Variants in GTPBP8 observed in about 807,000 individuals in gnomAD.
GTPBP8 encodes GTP-binding protein 8.
A neutral mutation model predicts 27.3 loss-of-function variants in GTPBP8; 21 were observed. The observed-to-expected ratio is 0.77, with a 90% CI of 0.55 to 1.11. The LOEUF is 1.11. GTPBP8 is among the 50% of genes least tolerant of loss of function. The pLI is 0.00. For missense variants in GTPBP8, 380 were observed against 350.8 expected (o/e 1.08, Z -0.67); for synonymous variants, 147 against 135.3 (o/e 1.09, Z -0.60).
chr3:113,001,112 T>G lies in GTPBP8; in HGVS notation c.*193T>G. On this transcript the variant is annotated 3_prime_UTR_variant, in exon 6 of 6. Transcript: ENST00000383678. ...CCTGAGGTGAAAAAAGTTTGTAAGT[T>G]ATTGAATTATGGTGTTCATTAGAAC... The G allele has an allele frequency of 1.9e-6, 1 of 524,776 alleles. No homozygotes were observed. The highest frequency in any genetic ancestry group is 3.4e-6 in the Non-Finnish European group (1 of 296,468). The allele number at this position is 524,776 out of a possible 1,614,324, so 32.5% of individuals were successfully genotyped here. A position where few individuals can be genotyped will look rare whatever the true frequency, so the allele number is the denominator to read the frequency against.
intron 1 of GTPBP8, chr3:112,991,871 C>T (rs1933688270): frequency 4.0e-6 from 1 of 250,902 alleles, no homozygotes; most frequent in South Asian, 4.2e-5. Context: ...ATAATAATCT[C>T]TAGATGGCAA....
At chr3:112,998,329 T>C (rs992657784) in intron 4 of GTPBP8, among the ~76,000 whole-genome samples, 3 of 152,156 alleles carry the variant, frequency 2.0e-5, no homozygotes, top group Non-Finnish European at 4.4e-5. Flanking sequence ...AACTACCCCC[T>C]CTTTGGGTTT....
In GTPBP8 at chr3:112,996,948, A is replaced by G. The variant is rs1933799173; in HGVS notation, c.623A>G (p.Asn208Ser). ...GTTGTTGGAATTCAAAAAACAGACA[A>G]TATTGCCATAGAAATGTGTGAAGAA... is the stretch of plus-strand genomic sequence containing the variant. ...DSVVGIQKTD[N>S]IAIEMCEEFA... The change falls in exon 4 of 6, where the codon AAT (asparagine) becomes AGT (serine). Residue 208 changes from asparagine to serine, a missense_variant. Coordinates refer to ENST00000383678, the MANE Select transcript of GTPBP8 (RefSeq NM_014170.4). 1 of 1,579,632 alleles carries G rather than the reference A, an allele frequency of 6.3e-7. No homozygotes were observed. The highest frequency in any genetic ancestry group is 1.3e-5 in the African/African-American group (1 of 74,280).
chr3:112,997,097 T>G (rs1449313209), intron 4 of GTPBP8, 106 bp downstream of exon 4: 1 of 637,180 alleles, frequency 1.6e-6, no homozygotes, highest in African/African-American at 1.9e-5. Context: ...CCTCAAAAGA[T>G]AAAGGAGAGT....
intron 4 of GTPBP8, 67 bp downstream of exon 4, chr3:112,997,058 T>C (rs1933801537): frequency 1.3e-6 from 1 of 752,924 alleles, no homozygotes; most frequent in African/African-American, 1.8e-5. Flanking sequence ...TGTGTGAACA[T>C]GCACCTTTTA....
Position 113,000,909 on chromosome 3 carries a change from G to T in GTPBP8, c.845G>T (p.Ser282Ile). The change falls in exon 6 of 6, where the codon AGT becomes ATT. Residue 282 changes from serine to isoleucine, a missense_variant. Coordinates refer to ENST00000383678, the MANE Select transcript of GTPBP8 (RefSeq NM_014170.4). The part of the protein sequence containing the change: ...LRCFIASVTG[S>I]LD ...TGCTTTATAGCCAGTGTAACAGGAA[G>T]TCTTGACTAATGGTTCCCGGTTTAG... 6.5e-7 allele frequency: 1 copy of T among 1,536,964 alleles called. No individual in the cohort carries two copies. Among genetic ancestry groups the T allele is most frequent in the Non-Finnish European group, 9.0e-7 (1 of 1,116,050 alleles).
In GTPBP8 at chr3:112,995,285, A is replaced by C. The variant is rs764381476; in HGVS notation, c.566+20A>C. On this transcript the variant is annotated intron_variant, in intron 3 of 5. Coordinates refer to ENST00000383678, the MANE Select transcript of GTPBP8 (RefSeq NM_014170.4). Reference sequence around the variant, plus strand: ...AAGGAAGTAAGGAAAAGATTTTCTTATAATAGTTATACATTTAACCCCAAA... The same window carrying C: ...AAGGAAGTAAGGAAAAGATTTTCTTCTAATAGTTATACATTTAACCCCAAA... 10 of 1,528,410 alleles carry C rather than the reference A, an allele frequency of 6.5e-6. No homozygotes were observed. The highest frequency in any genetic ancestry group is 8.9e-6 in the Non-Finnish European group (10 of 1,119,190). 94.7% of individuals were successfully genotyped at this position (1,528,410 alleles called of 1,614,324 possible).
In GTPBP8 at chr3:113,000,984, T is replaced by C. The variant is rs1167287531; in HGVS notation, c.*65T>C. On this transcript the variant is annotated 3_prime_UTR_variant, in exon 6 of 6. Coordinates refer to ENST00000383678, the MANE Select transcript of GTPBP8 (RefSeq NM_014170.4). ...AAGCTTTATGCTAACTGGAGTTAAA[T>C]ACCTAGAAGAATTTCAACATTGTTT... 4 of 862,230 alleles carry C rather than the reference T, an allele frequency of 4.6e-6. No homozygotes were observed. The highest frequency in any genetic ancestry group is 7.5e-6 in the Non-Finnish European group (4 of 529,862). The allele number at this position is 862,230 out of a possible 1,614,324, so 53.4% of individuals were successfully genotyped here.
intron 2 of GTPBP8, among the ~76,000 whole-genome samples, chr3:112,993,994 C>T (rs1576166332): frequency 6.6e-6 from 1 of 152,338 alleles, no homozygotes. Flanking sequence ...GTATTCTTGA[C>T]ATTCCCAATC....
At chr3:112,999,625 T>G (rs540886282) in intron 5 of GTPBP8, 61 bp downstream of exon 5, 32 of 603,526 alleles carry the variant, frequency 5.3e-5, no homozygotes, top group South Asian at 4.8e-4. Flanking sequence ...ATGTTGTGGG[T>G]TTTTTTTTTA....
chr3:112,993,632 C>CT (rs1016168991), intron 2 of GTPBP8, among the ~76,000 whole-genome samples: 38 of 152,212 alleles, frequency 2.5e-4, no homozygotes, highest in African/African-American at 9.2e-4. Flanking sequence ...ACGACGCAGT[C>CT]TCTGCCAATA....
chr3:112,997,632 A>G (rs1455187669), intron 4 of GTPBP8, among the ~76,000 whole-genome samples: 1 of 152,244 alleles, frequency 6.6e-6, no homozygotes, highest in Non-Finnish European at 1.5e-5. Flanking sequence ...GAAGAACCCA[A>G]TAACTAATTT....
At chr3:112,998,672 G>C (rs1335076280) in intron 4 of GTPBP8, among the ~76,000 whole-genome samples, 1 of 152,122 alleles carries the variant, frequency 6.6e-6, no homozygotes, top group Non-Finnish European at 1.5e-5. Context: ...GGAGGTCAGA[G>C]AGATTTTGTT....
rs751476782 is a variant in GTPBP8 at position 112,993,111 on chromosome 3, T to C, written c.422T>C (p.Val141Ala). 6.3e-7 allele frequency: 1 copy of C among 1,589,754 alleles called. No individual in the cohort carries two copies. Among genetic ancestry groups the C allele is most frequent in the Non-Finnish European group, 8.6e-7 (1 of 1,159,686 alleles). Residue 141 changes from valine to alanine, a missense_variant, in exon 2 of 6, where the codon GTC becomes GCC. By Grantham distance (64) the Val-to-Ala change is moderately conservative (BLOSUM62 0). Transcript: ENST00000383678. ...CTGGCCCCTGAGGTTGAAGTCAGAGTCTCCAAAAAACCAGTATGTTGAAGT... is the reference window on the plus strand; with the variant it reads ...CTGGCCCCTGAGGTTGAAGTCAGAGCCTCCAAAAAACCAGTATGTTGAAGT... ...FSLAPEVEVR[V>A]SKKPGHTKKM... is the part of the protein sequence containing the mutation.
In GTPBP8 at chr3:112,995,163, A is replaced by G. The variant is rs752946200; in HGVS notation, c.464A>G (p.Lys155Arg). Residue 155 changes from lysine (K) to arginine (R), a missense_variant, in exon 3 of 6, where the codon AAA becomes AGA. Physicochemically the swap from Lys to Arg is conservative, Grantham distance 26. Coordinates refer to ENST00000383678, the MANE Select transcript of GTPBP8 (RefSeq NM_014170.4). The stretch of plus-strand genomic sequence containing the variant: ...CACACAAAGAAAATGAATTTTTTCA[A>G]AGTTGGAAAACATTTTACAGTGGTG... ...PGHTKKMNFF[K>R]VGKHFTVVDM... 3.1e-6 allele frequency: 5 copies of G among 1,598,178 alleles called. No homozygotes were observed. The African/African-American group carries it at 4.1e-5, about 13-fold the overall frequency.
At chr3:112,992,328 T>C (rs1933699379) in intron 1 of GTPBP8, 1 of 152,210 alleles carries the variant, frequency 6.6e-6, no homozygotes, top group Non-Finnish European at 1.5e-5. Flanking sequence ...ATTGTCTTGA[T>C]AACCAAAAAT....
intron 1 of GTPBP8, 27 bp downstream of exon 1, chr3:112,991,362 T>G (rs775768768): frequency 6.2e-7 from 1 of 1,602,136 alleles, no homozygotes; most frequent in South Asian, 1.1e-5. Context: ...ACGGTTCACC[T>G]GCGCGCCGGC....
chr3:112,992,236 G>A (rs1480280665), intron 1 of GTPBP8: 1 of 152,136 alleles, frequency 6.6e-6, no homozygotes, highest in African/African-American at 2.4e-5. Flanking sequence ...ATTTTTGCAG[G>A]ACTCAGATCA....
chr3:112,994,613 A>G (rs916293329), intron 2 of GTPBP8, among the ~76,000 whole-genome samples: 2 of 152,234 alleles, frequency 1.3e-5, no homozygotes, highest in Non-Finnish European at 2.9e-5. Context: ...AATCCACCTA[A>G]TAAAACATGC....
Sources: allele counts gnomAD v4.1 joint callset (sites outside exome capture counted in the v4.1 genomes callset), GRCh38; gene constraint gnomAD v4.1.1; transcripts MANE v1.5; gene names NCBI Gene and HGNC (gene_info 2026-07-23, HGNC 2026-07-21).